Variants in IFRD1 observed in about 807,000 individuals in gnomAD.
IFRD1 encodes interferon-related developmental regulator 1.
IFRD1 carries 35 observed loss-of-function variants against 52.9 expected under a neutral mutation model. The observed-to-expected ratio is 0.66, with a 90% CI of 0.51 to 0.88. The LOEUF (loss-of-function observed/expected upper bound fraction) is 0.88, where lower values mean the gene tolerates loss of function less well. Among genes scored for constraint, IFRD1 ranks in the 40% least tolerant of loss-of-function variants. The pLI is 0.00. For synonymous variants in IFRD1, 184 were observed against 188.4 expected, an observed-to-expected ratio of 0.98 and a Z score of 0.19; for missense variants, 517 against 550.8, an observed-to-expected ratio of 0.94 and a Z score of 0.61.
intron 8 of IFRD1, among the ~76,000 whole-genome samples, chr7:112,463,877 C>T (rs1212881423): frequency 4.5e-5 from 2 of 44,794 alleles, no homozygotes; most frequent in Non-Finnish European, 1.0e-4. Flanking sequence ...CACACACACA[C>T]ACACACACAC....
rs563262995 is a variant in IFRD1 at position 112,442,903 on chromosome 7, G to A, written c.-181-7605G>A. Among the ~76,000 whole-genome samples the A allele has an allele frequency of 1.1e-4, 16 of 152,328 alleles. No homozygotes were observed. The South Asian group carries it at 3.3e-3, about 32-fold the overall frequency. On this transcript the variant is annotated intron_variant, in intron 1 of 12. Coordinates refer to the IFRD1 transcript ENST00000005558. ...TTGTGTGAGTTCTAGCACTGTCAGA[G>A]TTTAAGAAAAAATGATAAATATCTG...
At position 112,472,723 on chromosome 7, in the gene IFRD1, A is replaced by G. The variant is rs201070785; in HGVS notation, c.1171-43A>G. 8.3e-5 allele frequency: 96 copies of G among 1,161,084 alleles called. No individual in the cohort carries two copies. In the East Asian group the frequency reaches 2.2e-3, roughly 27 times the overall value. 71.9% of individuals were successfully genotyped at this position (1,161,084 alleles called of 1,614,324 possible). A position where few individuals can be genotyped will look rare whatever the true frequency, so the allele number is the denominator to read the frequency against. ...ACTCTGTCTAGTGAAAAAGAGCTAT[A>G]ATGTTTAATACTGAGCCATACCACC... On this transcript the variant is annotated intron_variant, in intron 10 of 11. Transcript: ENST00000403825.
intron 1 of IFRD1, among the ~76,000 whole-genome samples, chr7:112,451,854 G>A (rs1051308131): frequency 2.6e-5 from 4 of 152,116 alleles, no homozygotes; most frequent in African/African-American, 9.7e-5. Flanking sequence ...GGACACAGTT[G>A]CCCCTCTGCC....
At chr7:112,463,853 TACACACACACACAC>T (rs72284919) in intron 8 of IFRD1, among the ~76,000 whole-genome samples, 42 of 43,454 alleles carry the variant, frequency 9.7e-4, no homozygotes, top group Non-Finnish European at 1.5e-3. Context: ...CACATTTATA[TACACACACACACAC>T]ACACACACAC....
At chr7:112,459,769 C>T (rs905823315) in intron 5 of IFRD1, among the ~76,000 whole-genome samples, 15 of 152,286 alleles carry the variant, frequency 9.8e-5, no homozygotes, top group African/African-American at 3.1e-4. Flanking sequence ...TAGGTTCTCT[C>T]GATATGGCAG....
chr7:112,445,715 T>C (rs1795012705), upstream of IFRD1, among the ~76,000 whole-genome samples: 1 of 152,210 alleles, frequency 6.6e-6, no homozygotes, highest in African/African-American at 2.4e-5. Context: ...TGAAGAGAGA[T>C]TGGTGACTGG....
intron 1 of IFRD1, among the ~76,000 whole-genome samples, chr7:112,426,915 T>C (rs1400069610): frequency 6.6e-6 from 1 of 152,244 alleles, no homozygotes; most frequent in Non-Finnish European, 1.5e-5. Context: ...GGCCCCCCTC[T>C]GAGTTGTCAG....
At chr7:112,435,777 C>G (rs761071142) in intron 1 of IFRD1, among the ~76,000 whole-genome samples, 2 of 151,764 alleles carry the variant, frequency 1.3e-5, no homozygotes, top group African/African-American at 2.4e-5. Context: ...TTAGTTGGCT[C>G]TTACTAAAAT....
chr7:112,456,564 T>G (rs1795296552), intron 3 of IFRD1, among the ~76,000 whole-genome samples: 1 of 150,386 alleles, frequency 6.6e-6, no homozygotes. Flanking sequence ...ATTCTAGACT[T>G]TTATAGTTTT....
intron 4 of IFRD1, among the ~76,000 whole-genome samples, chr7:112,458,640 A>G (rs1795352968): frequency 6.6e-6 from 1 of 152,212 alleles, no homozygotes; most frequent in South Asian, 2.1e-4. Flanking sequence ...TAACTAATCG[A>G]TGATCATTTG....
At chr7:112,448,615 T>C (rs1204246708), upstream of IFRD1, among the ~76,000 whole-genome samples, 1 of 152,222 alleles carries the variant, frequency 6.6e-6, no homozygotes, top group Non-Finnish European at 1.5e-5. Context: ...TTGGTTTCTG[T>C]GCTCTGTGCA....
chr7:112,452,154 AC>A (rs1795181998), intron 1 of IFRD1: 1 of 870,668 alleles, frequency 1.1e-6, no homozygotes, highest in African/African-American at 4.5e-5. Flanking sequence ...AATTGAGGAT[AC>A]TTTTTTTTTT....
At chr7:112,438,016 C>T (rs2396537) in intron 1 of IFRD1, among the ~76,000 whole-genome samples, 74,201 of 151,892 alleles carry the variant, frequency 0.49, 20,168 homozygotes, top group Non-Finnish European at 0.6. Flanking sequence ...TAAAGAGTGG[C>T]GTAGGGGTAG....
chr7:112,435,304 C>T (rs1475041831), intron 1 of IFRD1: 1 of 152,192 alleles, frequency 6.6e-6, no homozygotes, highest in African/African-American at 2.4e-5. Flanking sequence ...TTGTGAGGCA[C>T]TCCAGGGCTT....
intron 11 of IFRD1, among the ~76,000 whole-genome samples, chr7:112,474,968 A>T (rs12154969): frequency 0.45 from 68,347 of 150,690 alleles, 16,002 homozygotes; most frequent in Non-Finnish European, 0.51. Flanking sequence ...TTATTTATTT[A>T]TTTTTTTTGA....
chr7:112,476,414 C>T lies in IFRD1; in HGVS notation c.*895C>T, dbSNP rs1442440822. ...GTGTGGCTCATGCCTATAATCAGCA[C>T]TCTGGGGAGGCTGAGGCGGGAGGAT... On this transcript the variant is annotated 3_prime_UTR_variant, in exon 12 of 12. Transcript: ENST00000403825. 6.6e-6 allele frequency: 1 copy of T among 152,208 alleles called. No individual in the cohort carries two copies. Among genetic ancestry groups the T allele is most frequent in the Non-Finnish European group, 1.5e-5 (1 of 68,044 alleles). The allele number at this position is 152,208 out of a possible 1,614,324, so 9.4% of individuals were successfully genotyped here. A position where few individuals can be genotyped will look rare whatever the true frequency, so the allele number is the denominator to read the frequency against.
intron 8 of IFRD1, among the ~76,000 whole-genome samples, chr7:112,463,638 C>T (rs561067539): frequency 1.5e-4 from 23 of 152,228 alleles, no homozygotes; most frequent in South Asian, 1.5e-3. Context: ...TTAACCTCAA[C>T]GCATGGAAAC....
intron 5 of IFRD1, among the ~76,000 whole-genome samples, chr7:112,459,608 A>G (rs1420021770): frequency 8.5e-5 from 13 of 152,216 alleles, no homozygotes; most frequent in Non-Finnish European, 1.5e-4. Context: ...CCTTGTTAGT[A>G]TTACTTAAGG....
At chr7:112,458,711 C>T (rs952863063) in intron 4 of IFRD1, 150 bp from the exon 5 acceptor site, 7 of 709,614 alleles carry the variant, frequency 9.9e-6, no homozygotes, top group East Asian at 8.1e-5. Context: ...GCTCTTTAGC[C>T]TAAGTTTGTA....
Sources: gnomAD v4.1 joint callset for allele counts (sites outside exome capture counted in the v4.1 genomes callset) on GRCh38, gnomAD v4.1.1 for gene constraint, MANE v1.5 for transcripts, NCBI Gene and HGNC (gene_info 2026-07-23, HGNC 2026-07-21) for gene names.